The following UBR1 variants were observed in gnomAD, a reference collection of about 807,000 sequenced individuals.
The protein encoded by UBR1 is ubiquitin protein ligase E3 component n-recognin 1, also known as E3 ubiquitin-protein ligase UBR1.
UBR1 carries 102 observed loss-of-function variants against 242.1 expected under a neutral mutation model. That is an observed-to-expected ratio of 0.42 (90% confidence interval 0.36 to 0.50). UBR1 has a LOEUF of 0.50. UBR1 is among the 20% of genes least tolerant of loss of function. The pLI, the probability that UBR1 is intolerant of heterozygous loss-of-function variation, is 0.01. For synonymous variants in UBR1, 675 were observed against 684.8 expected (o/e 0.99, Z 0.22); for missense variants, 1,772 against 2,101.8 (o/e 0.84, Z 3.07).
intron 30 of UBR1, among the ~76,000 whole-genome samples, chr15:43,006,077 T>A (rs1596097040): frequency 9.8e-6 from 1 of 102,060 alleles, no homozygotes. Context: ...CACCCAAGAA[T>A]GATCAATAAA....
At chr15:43,085,450 C>CAT (rs2034024100) in intron 2 of UBR1, among the ~76,000 whole-genome samples, 2 of 152,038 alleles carry the variant, frequency 1.3e-5, no homozygotes, top group Admixed American at 6.6e-5. Flanking sequence ...AACTGGAAGA[C>CAT]ATATATATTC....
intron 27 of UBR1, among the ~76,000 whole-genome samples, chr15:43,019,640 T>C (rs2033078046): frequency 6.8e-6 from 1 of 147,254 alleles, no homozygotes; most frequent in African/African-American, 2.5e-5. Flanking sequence ...TGGAGTGCAG[T>C]GGTGCGATCT....
chr15:43,101,149 G>A (rs1028720939), intron 1 of UBR1, among the ~76,000 whole-genome samples: 4 of 152,200 alleles, frequency 2.6e-5, no homozygotes, highest in Non-Finnish European at 4.4e-5. Context: ...GATGAGTGAG[G>A]AGAATGTAAC....
chr15:43,026,459 T>C, intron 23 of UBR1, 102 bp downstream of exon 23: 2 of 897,110 alleles, frequency 2.2e-6, no homozygotes, highest in South Asian at 1.4e-5. Context: ...CCTCTATTAA[T>C]AAGAACCAGC....
In UBR1 at chr15:42,943,468, G is replaced by A. The variant is rs1483923087; in HGVS notation, c.*1861C>T. On this transcript the variant is annotated 3_prime_UTR_variant, in exon 47 of 47. Coordinates refer to ENST00000290650, the MANE Select transcript of UBR1 (RefSeq NM_174916.3). ...AAATCTGAATCAATCTCAATCAGTG[G>A]AACGCAATATGAAATGGGTTCTTTG... 1 of 152,580 alleles carries A rather than the reference G, an allele frequency of 6.6e-6. No homozygotes were observed. Among genetic ancestry groups the A allele is most frequent in the Non-Finnish European group, 1.5e-5 (1 of 68,036 alleles). The allele number at this position is 152,580 out of a possible 1,614,324, so 9.5% of individuals were successfully genotyped here.
At chr15:43,078,520 A>T (rs1238527207) in intron 3 of UBR1, among the ~76,000 whole-genome samples, 1 of 152,222 alleles carries the variant, frequency 6.6e-6, no homozygotes, top group Admixed American at 6.5e-5. Context: ...ACATGTAAAA[A>T]TTAAAAGGGG....
rs531151842 is a variant in UBR1, at chr15:43,041,301, A to T, written c.1849+1914T>A. Among the ~76,000 whole-genome samples the T allele has an allele frequency of 1.5e-3, 233 of 152,272 alleles. 1 individual carries two copies. The highest frequency in any genetic ancestry group is 2.8e-3 in the Admixed American group (43 of 15,288). ...AGTTCATGCCCTTTGTAGGGACATG[A>T]ATGAAGCTGGAAACCATCATTCTCA... is the stretch of plus-strand genomic sequence containing the variant. On this transcript the variant is annotated intron_variant, in intron 15 of 46. Transcript: ENST00000290650.
intron 31 of UBR1, chr15:43,003,343 C>T (rs547119377): frequency 5.6e-6 from 1 of 178,628 alleles, no homozygotes; most frequent in African/African-American, 2.4e-5. Flanking sequence ...GGAACCTCTG[C>T]CTCCTGGGTT....
chr15:43,003,965 G>A (rs746382166), intron 30 of UBR1, 35 bp from the exon 31 acceptor site: 6 of 1,592,288 alleles, frequency 3.8e-6, no homozygotes, highest in South Asian at 1.1e-5. Context: ...GAAAAAGAGA[G>A]ACAGGTTATC....
intron 13 of UBR1, 26 bp from the exon 14 acceptor site, chr15:43,047,315 C>A (rs1245939150): frequency 6.2e-7 from 1 of 1,613,886 alleles, no homozygotes; most frequent in African/African-American, 1.3e-5. Context: ...GGTCAACATA[C>A]ACCTATCTGA....
chr15:43,036,137 T>A, intron 19 of UBR1, 41 bp downstream of exon 19: 1 of 1,461,970 alleles, frequency 6.8e-7, no homozygotes, highest in Non-Finnish European at 9.6e-7. Context: ...AGTAACAATA[T>A]TTCCTTTAAA....
chr15:43,084,519 C>T (rs1469465308), intron 2 of UBR1, among the ~76,000 whole-genome samples: 2 of 152,192 alleles, frequency 1.3e-5, no homozygotes, highest in Admixed American at 1.3e-4. Context: ...TGCAGTGGCA[C>T]AATCTCGGCT....
At chr15:42,990,938 T>A (rs1208633025) in intron 33 of UBR1, among the ~76,000 whole-genome samples, 1 of 152,098 alleles carries the variant, frequency 6.6e-6, no homozygotes, top group African/African-American at 2.4e-5. Context: ...GTTGTTTTTC[T>A]CTGGTTGCTT....
At chr15:43,018,243 C>T (rs888321407) in intron 27 of UBR1, among the ~76,000 whole-genome samples, 2 of 152,064 alleles carry the variant, frequency 1.3e-5, no homozygotes, top group Non-Finnish European at 2.9e-5. Flanking sequence ...CCTCATGATC[C>T]GCCCACCTCA....
chr15:43,071,035 G>A (rs1178678863), intron 4 of UBR1, 110 bp from the exon 5 acceptor site: 15 of 1,398,646 alleles, frequency 1.1e-5, no homozygotes, highest in East Asian at 4.7e-5. Flanking sequence ...TTACAACATC[G>A]TCCAGGAATG....
In UBR1 at chr15:42,990,038, A is replaced by C. The variant is rs372354876; in HGVS notation, c.3840T>G (p.Val1280=). The change falls in exon 34 of 47, where the codon GTT becomes GTG. Residue 1280 remains valine (V), a synonymous_variant. Coordinates refer to ENST00000290650, the MANE Select transcript of UBR1 (RefSeq NM_174916.3). ...LEFHSILSFG[V]ESSIKYSNSI... Reference sequence around the variant, plus strand: ...ACTATTTAGATACTTACGAAGACTCAACGCCAAAACTCAGGATGGAATGGA... The same window carrying C: ...ACTATTTAGATACTTACGAAGACTCCACGCCAAAACTCAGGATGGAATGGA... 6.2e-7 allele frequency: 1 copy of C among 1,608,296 alleles called. No homozygotes were observed. The highest frequency in any genetic ancestry group is 1.3e-5 in the African/African-American group (1 of 74,952).
At position 43,038,154 on chromosome 15, in the gene UBR1, TTAGTAGAATC is replaced by T. The variant is rs1321239472; in HGVS notation, c.1911+7_1911+16del. ...AAACAGAATATAAGCAAATCAATAC[TTAGTAGAATC>T]ACTTACAAAAGACACAAATTCATGC... On this transcript the variant is annotated splice_region_variant and intron_variant, in intron 16 of 46. Transcript: ENST00000290650. The T allele has an allele frequency of 5.0e-6, 8 of 1,612,960 alleles. No homozygotes were observed. Among genetic ancestry groups the T allele is most frequent in the Non-Finnish European group, 5.9e-6 (7 of 1,179,104 alleles).
chr15:43,032,751 T>C, intron 19 of UBR1, 120 bp from the exon 20 acceptor site: 1 of 628,650 alleles, frequency 1.6e-6, no homozygotes, highest in Non-Finnish European at 2.8e-6. Flanking sequence ...GTCCAGTATT[T>C]TTTTTGTATG....
intron 39 of UBR1, among the ~76,000 whole-genome samples, chr15:42,971,106 G>C (rs1255700236): frequency 6.6e-6 from 1 of 152,146 alleles, no homozygotes; most frequent in African/African-American, 2.4e-5. Context: ...AAATAGGGCA[G>C]AATCACTAAA....
Sources: gnomAD v4.1 joint callset for allele counts (sites outside exome capture counted in the v4.1 genomes callset) on GRCh38, gnomAD v4.1.1 for gene constraint, MANE v1.5 for transcripts, NCBI Gene and HGNC (gene_info 2026-07-23, HGNC 2026-07-21) for gene names.